Variants in GLIS3 observed in about 807,000 individuals in gnomAD.
GLIS3 encodes the protein zinc finger protein GLIS3.
GLIS3 carries 53 observed loss-of-function variants against 78.6 expected under a neutral mutation model. The ratio of observed to expected loss-of-function variants is 0.67; its 90% CI spans 0.54 to 0.85. The LOEUF (loss-of-function observed/expected upper bound fraction) is 0.85, where lower values mean the gene tolerates loss of function less well. Among genes scored for constraint, GLIS3 ranks in the 40% least tolerant of loss-of-function variants. The pLI, the probability that GLIS3 is intolerant of heterozygous loss-of-function variation, is 0.00. For missense variants in GLIS3, 1,703 were observed against 1,231.1 expected (o/e 1.38, Z -5.74); for synonymous variants, 684 against 509.9 (o/e 1.34, Z -4.60).
At chr9:4,484,738 G>A in the GLIS3 span, among the ~76,000 whole-genome samples, 1 of 152,162 alleles carries the variant, frequency 6.6e-6, no homozygotes, top group East Asian at 1.9e-4. Context: ...AACTTTAGGA[G>A]GAAGTTATAG....
At chr9:4,054,318 C>T (rs761184580) in intron 4 of GLIS3, 25 of 985,004 alleles carry the variant, frequency 2.5e-5, no homozygotes, top group Non-Finnish European at 2.9e-5. Context: ...CAGATGTTTC[C>T]ACAACTCCAC....
At chr9:4,280,119 A>C (rs1219351552) in intron 2 of GLIS3, among the ~76,000 whole-genome samples, 1 of 152,218 alleles carries the variant, frequency 6.6e-6, no homozygotes, top group Non-Finnish European at 1.5e-5. Context: ...TCCTGGACTC[A>C]AGTGATCCTC....
the GLIS3 span, among the ~76,000 whole-genome samples, chr9:4,408,644 G>A: frequency 2.1e-5 from 3 of 142,132 alleles, no homozygotes; most frequent in African/African-American, 5.4e-5. Context: ...GGAGAATGGC[G>A]TGAACCCGGG....
At chr9:4,433,957 G>T in the GLIS3 span, among the ~76,000 whole-genome samples, 1 of 152,048 alleles carries the variant, frequency 6.6e-6, no homozygotes, top group African/African-American at 2.4e-5. Flanking sequence ...TTAGCTGGGC[G>T]TGGTGGCACA....
At chr9:4,002,218 G>C (rs1456830353) in intron 4 of GLIS3, among the ~76,000 whole-genome samples, 1 of 152,192 alleles carries the variant, frequency 6.6e-6, no homozygotes, top group Non-Finnish European at 1.5e-5. Flanking sequence ...GAGGTCACAA[G>C]CCAAGGAATG....
chr9:3,986,870 G>T (rs1819781129), intron 4 of GLIS3, among the ~76,000 whole-genome samples: 1 of 152,204 alleles, frequency 6.6e-6, no homozygotes, highest in Non-Finnish European at 1.5e-5. Context: ...AGTTTGGAAT[G>T]CAACCCAGAG....
the GLIS3 span, among the ~76,000 whole-genome samples, chr9:4,354,103 T>C: frequency 6.6e-6 from 1 of 151,848 alleles, no homozygotes; most frequent in Non-Finnish European, 1.5e-5. Context: ...CCCAAAGCGC[T>C]GGGATTACAG....
At chr9:4,200,162 A>G (rs1207275778) in intron 2 of GLIS3, among the ~76,000 whole-genome samples, 1 of 152,202 alleles carries the variant, frequency 6.6e-6, no homozygotes, top group African/African-American at 2.4e-5. Flanking sequence ...AAGCAGCGCT[A>G]ACAGGAGTTT....
chr9:3,923,181 A>G (rs1413058021), intron 6 of GLIS3, among the ~76,000 whole-genome samples: 1 of 152,228 alleles, frequency 6.6e-6, no homozygotes, highest in Non-Finnish European at 1.5e-5. Flanking sequence ...TTCACTGTAA[A>G]TACCTAATTC....
intron 2 of GLIS3, among the ~76,000 whole-genome samples, chr9:4,316,548 C>G (rs1027650882): frequency 6.6e-6 from 1 of 152,152 alleles, no homozygotes; most frequent in Non-Finnish European, 1.5e-5. Flanking sequence ...CTCTACATGT[C>G]TATGTGGGTT....
intron 2 of GLIS3, among the ~76,000 whole-genome samples, chr9:4,165,176 C>A (rs1260830195): frequency 6.6e-6 from 1 of 152,176 alleles, no homozygotes; most frequent in Non-Finnish European, 1.5e-5. Flanking sequence ...CACGATGGCT[C>A]ACACCTGTAA....
chr9:4,348,702 A>G (rs1817925744), upstream of GLIS3, among the ~76,000 whole-genome samples: 1 of 152,236 alleles, frequency 6.6e-6, no homozygotes, highest in South Asian at 2.1e-4. Context: ...TTAAACAAAT[A>G]TGGTAAATAT....
intron 2 of GLIS3, among the ~76,000 whole-genome samples, chr9:4,182,136 C>T (rs10974374): frequency 0.069 from 10,422 of 152,124 alleles, 511 homozygotes; most frequent in East Asian, 0.22. Context: ...CTATAAGGAC[C>T]GTTTTTTCCT....
At chr9:3,969,801 A>G (rs1385974065) in intron 4 of GLIS3, among the ~76,000 whole-genome samples, 1 of 152,206 alleles carries the variant, frequency 6.6e-6, no homozygotes, top group South Asian at 2.1e-4. Context: ...TCCTAATGAC[A>G]GGAAAGCTAG....
chr9:4,055,878 T>G (rs1235301060), intron 4 of GLIS3, among the ~76,000 whole-genome samples: 1 of 152,072 alleles, frequency 6.6e-6, no homozygotes, highest in Admixed American at 6.5e-5. Context: ...CTTTTGCAGG[T>G]AAAATTGGGT....
the GLIS3 span, among the ~76,000 whole-genome samples, chr9:4,467,827 T>C: frequency 6.6e-6 from 1 of 152,036 alleles, no homozygotes; most frequent in African/African-American, 2.4e-5. Flanking sequence ...TGATCGGTAA[T>C]AACAAACTTC....
chr9:4,477,085 G>A, the GLIS3 span, among the ~76,000 whole-genome samples: 1 of 152,122 alleles, frequency 6.6e-6, no homozygotes, highest in South Asian at 2.1e-4. Flanking sequence ...ATAATTTAAA[G>A]CAGGGACTCA....
intron 4 of GLIS3, among the ~76,000 whole-genome samples, chr9:3,955,886 T>C (rs531641999): frequency 6.6e-6 from 1 of 151,938 alleles, no homozygotes; most frequent in Non-Finnish European, 1.5e-5. Context: ...GTCAATATAA[T>C]CAGCAATGAG....
chr9:3,909,591 G>C (rs1315864377), intron 6 of GLIS3, among the ~76,000 whole-genome samples: 1 of 152,174 alleles, frequency 6.6e-6, no homozygotes, highest in South Asian at 2.1e-4. Context: ...TGTATCCATA[G>C]CTGATTAATG....
Sources: allele counts gnomAD v4.1 joint callset (sites outside exome capture counted in the v4.1 genomes callset), GRCh38; gene constraint gnomAD v4.1.1; transcripts MANE v1.5; gene names NCBI Gene and HGNC (gene_info 2026-07-23, HGNC 2026-07-21).